The following RBFOX1 variants were observed in gnomAD, a reference collection of about 807,000 sequenced individuals.
The protein encoded by RBFOX1 is RNA binding fox-1 homolog 1, also known as RNA binding protein fox-1 homolog 1.
Under a neutral mutation model 57.7 loss-of-function variants are expected in RBFOX1, and 8 were observed. That is an observed-to-expected ratio of 0.14 (90% confidence interval 0.08 to 0.25). The LOEUF is 0.25. Ranked by LOEUF, RBFOX1 falls within the 10% of genes least tolerant of loss-of-function variation. RBFOX1 has a pLI of 1.00. For missense variants in RBFOX1, 611 were observed against 548.5 expected, an observed-to-expected ratio of 1.11 and a Z score of -1.14; for synonymous variants, 326 against 222.4, an observed-to-expected ratio of 1.47 and a Z score of -4.15.
chr16:6,577,794 C>G (rs1402474946), intron 2 of RBFOX1, among the ~76,000 whole-genome samples: 1 of 152,194 alleles, frequency 6.6e-6, no homozygotes, highest in Non-Finnish European at 1.5e-5. Context: ...CTCCTTTTCC[C>G]TCCTGTATCC....
At chr16:7,030,001 G>A (rs565470731) in intron 3 of RBFOX1, among the ~76,000 whole-genome samples, 13 of 152,118 alleles carry the variant, frequency 8.5e-5, no homozygotes, top group East Asian at 1.9e-4. Context: ...TTTCGGTCAC[G>A]TGTGTGTGAT....
intron 3 of RBFOX1, among the ~76,000 whole-genome samples, chr16:5,835,170 C>T (rs1424548542): frequency 6.6e-6 from 1 of 152,136 alleles, no homozygotes; most frequent in East Asian, 1.9e-4. Flanking sequence ...AGGCAACTGG[C>T]CCAGCCTTAA....
intron 3 of RBFOX1, among the ~76,000 whole-genome samples, chr16:5,741,784 C>G (rs1380234035): frequency 2.0e-5 from 3 of 152,094 alleles, no homozygotes; most frequent in Non-Finnish European, 4.4e-5. Context: ...TGAGTAGAAA[C>G]TTTCGTTAAA....
In RBFOX1 at chr16:6,257,708, G is replaced by A. The variant is rs12597241; in HGVS notation, c.-126-59287G>A. Among the ~76,000 whole-genome samples the A allele has an allele frequency of 9.3e-4, 141 of 152,226 alleles. 3 individuals are homozygous for A. The East Asian group carries it at 0.025, about 27-fold the overall frequency. ...TCTATTCCTGCATTAGTTGGTTAAG[G>A]ACAATGGCCTCCAGCTCCTTCCATG... On this transcript the variant is annotated intron_variant, in intron 1 of 15. Transcript: ENST00000550418.
At chr16:7,412,737 AG>A (rs762239861) in intron 4 of RBFOX1, among the ~76,000 whole-genome samples, 2 of 152,208 alleles carry the variant, frequency 1.3e-5, no homozygotes, top group Non-Finnish European at 2.9e-5. Flanking sequence ...AGATTTTCCC[AG>A]GCTGATTTAA....
rs2045202554 is a variant in RBFOX1 at position 7,038,515 on chromosome 16, A to T, written c.-15-13542A>T. On this transcript the variant is annotated intron_variant, in intron 3 of 15. Coordinates refer to ENST00000550418, the MANE Select transcript of RBFOX1 (RefSeq NM_018723.4). ...ATTATTAGAATAAATAATAGGCAATATGTTTCTTCCACCCTGCAAGGTATC... is the reference window on the plus strand; with the variant it reads ...ATTATTAGAATAAATAATAGGCAATTTGTTTCTTCCACCCTGCAAGGTATC... 2.0e-5 allele frequency among the ~76,000 whole-genome samples: 3 copies of T among 152,298 alleles called. No homozygotes were observed. The South Asian group carries it at 6.2e-4, about 32-fold the overall frequency.
At chr16:6,792,213 A>C (rs1459945848) in intron 3 of RBFOX1, among the ~76,000 whole-genome samples, 2 of 152,220 alleles carry the variant, frequency 1.3e-5, no homozygotes, top group Non-Finnish European at 2.9e-5. Flanking sequence ...AAACAAGGTC[A>C]ATTTTAAAGC....
At chr16:7,592,521 A>C (rs2094494811) in intron 7 of RBFOX1, among the ~76,000 whole-genome samples, 1 of 152,188 alleles carries the variant, frequency 6.6e-6, no homozygotes, top group Non-Finnish European at 1.5e-5. Flanking sequence ...TGCTAGTTCC[A>C]AAGGGCAGAA....
intron 2 of RBFOX1, among the ~76,000 whole-genome samples, chr16:6,653,420 C>G (rs1171325207): frequency 6.6e-6 from 1 of 152,126 alleles, no homozygotes; most frequent in Non-Finnish European, 1.5e-5. Flanking sequence ...CCAAGAGTTG[C>G]TAAAGAAATA....
chr16:7,555,960 T>G (rs2088307992), intron 5 of RBFOX1, among the ~76,000 whole-genome samples: 3 of 152,008 alleles, frequency 2.0e-5, no homozygotes, highest in Non-Finnish European at 4.4e-5. Flanking sequence ...GAGGAGGGAT[T>G]TTTTCCTGTT....
chr16:5,741,999 A>G (rs2052785127), intron 3 of RBFOX1, among the ~76,000 whole-genome samples: 1 of 152,198 alleles, frequency 6.6e-6, no homozygotes, highest in Non-Finnish European at 1.5e-5. Flanking sequence ...GTCTTTTGGC[A>G]CCCTGAGACC....
At chr16:7,178,807 G>T (rs536337180) in intron 4 of RBFOX1, among the ~76,000 whole-genome samples, 24 of 152,244 alleles carry the variant, frequency 1.6e-4, no homozygotes, top group African/African-American at 5.8e-4. Flanking sequence ...GAGACATCGG[G>T]TTTCACACCT....
At chr16:6,807,460 A>C (rs1206223571) in intron 3 of RBFOX1, among the ~76,000 whole-genome samples, 2 of 152,120 alleles carry the variant, frequency 1.3e-5, no homozygotes, top group African/African-American at 2.4e-5. Flanking sequence ...TTGGAGTAGC[A>C]CACAGGGCTG....
chr16:6,769,841 A>G (rs1463822977), intron 3 of RBFOX1, among the ~76,000 whole-genome samples: 1 of 152,180 alleles, frequency 6.6e-6, no homozygotes, highest in Non-Finnish European at 1.5e-5. Context: ...TCTGAGGACA[A>G]CTCACCACGA....
rs145361182 is a variant in RBFOX1, at chr16:6,511,272, G to A, written c.-63-143331G>A. On this transcript the variant is annotated intron_variant, in intron 2 of 15. Transcript: ENST00000550418. ...ATAAAAGGGGTTCACAGGAAATAGG[G>A]AGGAATAGGCCAGTGTGCTGGTTCA... Among the ~76,000 whole-genome samples, 726 of 152,286 alleles carry A rather than the reference G, an allele frequency of 4.8e-3. 22 individuals are homozygous for A. The East Asian group carries it at 0.093, about 20-fold the overall frequency.
intron 1 of RBFOX1, among the ~76,000 whole-genome samples, chr16:6,173,634 G>A (rs2096979788): frequency 2.2e-5 from 2 of 91,656 alleles, no homozygotes; most frequent in Admixed American, 3.5e-4. Flanking sequence ...TTTTGAGATA[G>A]AGTCTCATTC....
At chr16:6,394,022 C>G (rs1383101885) in intron 2 of RBFOX1, among the ~76,000 whole-genome samples, 1 of 152,188 alleles carries the variant, frequency 6.6e-6, no homozygotes, top group Non-Finnish European at 1.5e-5. Context: ...GAAGACTATA[C>G]TAAATTGTTA....
chr16:5,348,616 A>T (rs998682025), intron 1 of RBFOX1, among the ~76,000 whole-genome samples: 1 of 152,198 alleles, frequency 6.6e-6, no homozygotes, highest in Non-Finnish European at 1.5e-5. Context: ...CCTGGAGTTC[A>T]CAGCCCAACA....
intron 2 of RBFOX1, among the ~76,000 whole-genome samples, chr16:6,574,775 A>T (rs1174783468): frequency 1.9e-4 from 27 of 143,138 alleles, no homozygotes; most frequent in Non-Finnish European, 3.4e-4. Flanking sequence ...GTGGTGGCTC[A>T]CGCCTGTAAT....
Sources: gnomAD v4.1 joint callset for allele counts (sites outside exome capture counted in the v4.1 genomes callset) on GRCh38, gnomAD v4.1.1 for gene constraint, MANE v1.5 for transcripts, NCBI Gene and HGNC (gene_info 2026-07-23, HGNC 2026-07-21) for gene names.